BICRAL: variants seen among roughly 807,000 people sequenced by gnomAD.
BICRAL encodes BRD4-interacting chromatin-remodeling complex-associated protein-like.
A neutral mutation model predicts 91.8 loss-of-function variants in BICRAL; 8 were observed. The observed-to-expected ratio is 0.09, with a 90% CI of 0.05 to 0.16. The LOEUF is 0.16. BICRAL is among the 10% of genes least tolerant of loss of function. The probability of loss-of-function intolerance (pLI) is 1.00; values close to 1 mark genes in which losing one functional copy is unlikely to be tolerated. For missense variants in BICRAL, 1,038 were observed against 1,310.9 expected (o/e 0.79, Z 3.21); for synonymous variants, 445 against 491.1 (o/e 0.91, Z 1.24).
Position 42,867,933 on chromosome 6 carries a change from G to A in BICRAL, c.*2487G>A, listed in dbSNP as rs1308651868. 1 of 152,552 alleles carries A rather than the reference G, an allele frequency of 6.6e-6. No homozygotes were observed. Among genetic ancestry groups the A allele is most frequent in the Non-Finnish European group, 1.5e-5 (1 of 68,034 alleles). The allele number at this position is 152,552 out of a possible 1,614,324, so 9.4% of individuals were successfully genotyped here. A position where few individuals can be genotyped will look rare whatever the true frequency, so the allele number is the denominator to read the frequency against. On this transcript the variant is annotated 3_prime_UTR_variant, in exon 13 of 13. Coordinates refer to ENST00000314073, the MANE Select transcript of BICRAL (RefSeq NM_001393499.1). ...CTGTGATTAGGTTCTACGCACATGG[G>A]TCATAACTCGCATGTCGAGCCCCCT... is the stretch of plus-strand genomic sequence containing the variant.
chr6:42,782,722 AGT>A (rs1278717332), intron 1 of BICRAL, among the ~76,000 whole-genome samples: 1 of 148,628 alleles, frequency 6.7e-6, no homozygotes, highest in African/African-American at 2.5e-5. Context: ...CGCGAGTGTG[AGT>A]GTGTTTTCCG....
Position 42,809,388 on chromosome 6 carries a change from G to A in BICRAL, c.-101-918G>A, listed in dbSNP as rs972302651. Among the ~76,000 whole-genome samples the A allele has an allele frequency of 9.5e-5, 14 of 147,510 alleles. No individual in the cohort carries two copies. The South Asian group carries it at 2.8e-3, about 29-fold the overall frequency. ...TCATTTCATGAGATGAACGAGGGTC[G>A]TTTATTGCCTATGTTAATTGTCGTC... On this transcript the variant is annotated intron_variant, in intron 1 of 12. Coordinates refer to ENST00000314073, the MANE Select transcript of BICRAL (RefSeq NM_001393499.1).
chr6:42,777,280 ACT>A (rs1329010209), upstream of BICRAL, among the ~76,000 whole-genome samples: 2 of 152,142 alleles, frequency 1.3e-5, no homozygotes, highest in East Asian at 1.9e-4. Flanking sequence ...GCTTAAAATA[ACT>A]CTCAGAGGTG....
At chr6:42,816,691 A>G (rs1316584230) in intron 2 of BICRAL, among the ~76,000 whole-genome samples, 2 of 152,116 alleles carry the variant, frequency 1.3e-5, no homozygotes, top group Admixed American at 1.3e-4. Context: ...CATGTGGCAC[A>G]AATTTCAAAA....
chr6:42,797,607 A>G (rs1468682129), intron 1 of BICRAL, among the ~76,000 whole-genome samples: 2 of 152,148 alleles, frequency 1.3e-5, no homozygotes, highest in Admixed American at 6.6e-5. Context: ...GGATTAAGTG[A>G]GATCATGCAT....
At chr6:42,789,525 C>T (rs891436833) in intron 1 of BICRAL, among the ~76,000 whole-genome samples, 3 of 151,764 alleles carry the variant, frequency 2.0e-5, no homozygotes, top group African/African-American at 4.8e-5. Flanking sequence ...ACCTGTAATC[C>T]CAGCTACTCA....
intron 2 of BICRAL, among the ~76,000 whole-genome samples, chr6:42,819,866 G>C (rs13201705): frequency 0.024 from 3,661 of 152,296 alleles, 66 homozygotes; most frequent in South Asian, 0.04. Flanking sequence ...GACCAGAGGA[G>C]AAGGCCTGTC....
Position 42,865,039 on chromosome 6 carries a change from T to C in BICRAL, c.2833T>C (p.Ser945Pro). ...CCCTGAGGGGCACCGGAAAACCTCA[T>C]CCAGATCGGATCATGGTACTGAGAG... ...PGPEGHRKTS[S>P]RSDHGTESKL... The change falls in exon 13 of 13, where the codon TCC (serine) becomes CCC (proline). Residue 945 changes from serine to proline, a missense_variant. Ser to Pro is a moderately conservative substitution (Grantham distance 74, BLOSUM62 -1). This residue lies in a region of BICRAL where 294 missense variants were observed against 292.6 expected (regional missense o/e 1.00). Coordinates refer to ENST00000314073, the MANE Select transcript of BICRAL (RefSeq NM_001393499.1). The C allele has an allele frequency of 6.2e-7, 1 of 1,614,068 alleles. No individual in the cohort carries two copies. The highest frequency in any genetic ancestry group is 8.5e-7 in the Non-Finnish European group (1 of 1,180,044).
At chr6:42,781,951 G>C (rs1479896341), upstream of BICRAL, 6 of 146,548 alleles carry the variant, frequency 4.1e-5, no homozygotes. Context: ...GGGGGTGAGC[G>C]AGAGAGAGAG....
intron 1 of BICRAL, among the ~76,000 whole-genome samples, chr6:42,785,616 T>C (rs1254396419): frequency 3.4e-5 from 5 of 147,466 alleles, no homozygotes; most frequent in Admixed American, 6.7e-5. Context: ...GAGAATAGGG[T>C]AGAAAAGACC....
At chr6:42,793,504 G>T (rs1197396513) in intron 1 of BICRAL, among the ~76,000 whole-genome samples, 1 of 150,196 alleles carries the variant, frequency 6.7e-6, no homozygotes, top group Non-Finnish European at 1.5e-5. Context: ...GGCTAGTCTG[G>T]TCTCCAACTC....
chr6:42,782,601 G>A (rs1428742432), intron 1 of BICRAL, among the ~76,000 whole-genome samples: 1 of 151,782 alleles, frequency 6.6e-6, no homozygotes, highest in Admixed American at 6.6e-5. Context: ...TCTGGAGCGG[G>A]GAGAGGGAGA....
chr6:42,864,462 G>A (rs1404519916), intron 12 of BICRAL, among the ~76,000 whole-genome samples, 197 bp from the exon 13 acceptor site: 1 of 152,154 alleles, frequency 6.6e-6, no homozygotes, highest in East Asian at 1.9e-4. Flanking sequence ...TTGAAGCTGG[G>A]GCTCCACAGC....
chr6:42,818,988 C>T (rs536684715), intron 2 of BICRAL, among the ~76,000 whole-genome samples: 26 of 152,314 alleles, frequency 1.7e-4, no homozygotes, highest in African/African-American at 5.5e-4. Flanking sequence ...CTTCCCTCCA[C>T]GACAAATCCC....
chr6:42,813,779 C>T (rs1011643709), intron 2 of BICRAL, among the ~76,000 whole-genome samples: 2 of 152,060 alleles, frequency 1.3e-5, no homozygotes, highest in Non-Finnish European at 2.9e-5. Flanking sequence ...CTTCAGCCTC[C>T]CAAAGTGCTA....
intron 1 of BICRAL, among the ~76,000 whole-genome samples, chr6:42,783,833 G>A (rs1260216556): frequency 1.3e-5 from 2 of 152,234 alleles, no homozygotes; most frequent in Non-Finnish European, 2.9e-5. Context: ...TGGAGGTGAG[G>A]CGCTCCTGCC....
intron 1 of BICRAL, among the ~76,000 whole-genome samples, chr6:42,762,072 T>C (rs1235329315): frequency 2.0e-5 from 3 of 152,168 alleles, no homozygotes; most frequent in Non-Finnish European, 4.4e-5. Flanking sequence ...TTTTATACTT[T>C]TGTTCTTTTG....
intron 1 of BICRAL, among the ~76,000 whole-genome samples, chr6:42,786,679 C>T (rs1763111932): frequency 6.6e-6 from 1 of 152,038 alleles, no homozygotes; most frequent in Admixed American, 6.6e-5. Context: ...TTGGGAATGA[C>T]CATTTTGGCT....
At chr6:42,779,221 AAAACAC>A (rs1281455202), upstream of BICRAL, among the ~76,000 whole-genome samples, 34 of 105,150 alleles carry the variant, frequency 3.2e-4, no homozygotes, top group African/African-American at 8.9e-4. Context: ...TGTCTCAAGA[AAAACAC>A]ACACACACAC....
Sources: gnomAD v4.1 joint callset for allele counts (sites outside exome capture counted in the v4.1 genomes callset) on GRCh38, gnomAD v4.1.1 for gene constraint, gnomAD v4.1.1 regional missense constraint, MANE v1.5 for transcripts, NCBI Gene and HGNC (gene_info 2026-07-23, HGNC 2026-07-21) for gene names.